The following ZNF713 variants were observed in gnomAD, a reference collection of about 807,000 sequenced individuals.
The protein encoded by ZNF713 is zinc finger protein 713.
ZNF713 carries 21 observed loss-of-function variants against 28.7 expected under a neutral mutation model. That is an observed-to-expected ratio of 0.73 (90% CI 0.52 to 1.05). The LOEUF is 1.05. Ranked by LOEUF, ZNF713 falls within the 50% of genes least tolerant of loss-of-function variation. ZNF713 has a pLI of 0.00. For missense variants in ZNF713, 458 were observed against 532.4 expected, an observed-to-expected ratio of 0.86 and a Z score of 1.37; for synonymous variants, 167 against 178.0, an observed-to-expected ratio of 0.94 and a Z score of 0.49.
chr7:55,923,347 A>G (rs1786030975), intron 5 of ZNF713, 59 bp downstream of exon 5: 1 of 1,553,194 alleles, frequency 6.4e-7, no homozygotes. Flanking sequence ...TTCCTGAACT[A>G]GTAGAAGCCT....
intron 4 of ZNF713, among the ~76,000 whole-genome samples, chr7:55,922,842 G>A (rs1786018172): frequency 6.6e-6 from 1 of 152,130 alleles, no homozygotes; most frequent in African/African-American, 2.4e-5. Context: ...CAATATTATT[G>A]TGGTGTCTGA....
chr7:55,938,839 T>C (rs1786406264), intron 6 of ZNF713, 143 bp from the exon 7 acceptor site: 2 of 806,938 alleles, frequency 2.5e-6, no homozygotes, highest in South Asian at 2.4e-5. Flanking sequence ...CGTGGCCACA[T>C]TGAAAAACTT....
Position 55,917,310 on chromosome 7 carries a change from GA to G in ZNF713, c.87+4594del, listed in dbSNP as rs200319279. 3.0e-4 allele frequency among the ~76,000 whole-genome samples: 45 copies of G among 150,996 alleles called. 2 individuals carry two copies. The highest frequency in any genetic ancestry group is 1.0e-3 in the African/African-American group (42 of 41,248). On this transcript the variant is annotated intron_variant, in intron 4 of 6. Transcript: ENST00000429591. ...GCAAAGTAAAAAGACATGTCAAGTT[GA>G]AAAAAATATTTTGCCACTCGAATTA...
chr7:55,937,221 A>G (rs1584321557), intron 6 of ZNF713, among the ~76,000 whole-genome samples: 1 of 151,886 alleles, frequency 6.6e-6, no homozygotes, highest in Non-Finnish European at 1.5e-5. Context: ...AATCGCTTGA[A>G]CCCACAAGAC....
rs1376240937 is a variant in ZNF713 at position 55,887,758 on chromosome 7, A to G, written c.-583+78A>G. 2 of 710 alleles carry G rather than the reference A, an allele frequency of 2.8e-3. 1 individual carries two copies. Among genetic ancestry groups the G allele is most frequent in the Non-Finnish European group, 5.9e-3 (2 of 340 alleles). 0.0% of individuals were successfully genotyped at this position (710 alleles called of 1,614,324 possible). On this transcript the variant is annotated intron_variant, in intron 1 of 6. Transcript: ENST00000429591. ...GGCGGGGGGCGGAGGCGGGGGGCGG[A>G]GGCGGGGGGCGGAGGCGGGGGGCGG...
At chr7:55,924,388 CCCTT>C (rs1786054287) in intron 6 of ZNF713, 2 of 152,340 alleles carry the variant, frequency 1.3e-5, no homozygotes, top group African/African-American at 4.8e-5. Flanking sequence ...CGATTCTTGT[CCCTT>C]CCAGCCTCTC....
At chr7:55,913,094 G>T (rs952158061) in intron 4 of ZNF713, among the ~76,000 whole-genome samples, 4 of 151,910 alleles carry the variant, frequency 2.6e-5, no homozygotes, top group African/African-American at 9.7e-5. Flanking sequence ...TGGAGCTAAT[G>T]GGATTAATAA....
chr7:55,927,828 C>T (rs949048437), intron 6 of ZNF713, among the ~76,000 whole-genome samples: 2 of 127,440 alleles, frequency 1.6e-5, no homozygotes, highest in South Asian at 2.6e-4. Context: ...ACCCCGGAGA[C>T]GGAGGTTGCA....
intron 6 of ZNF713, among the ~76,000 whole-genome samples, chr7:55,932,267 G>T (rs1050266541): frequency 6.6e-6 from 1 of 151,072 alleles, no homozygotes; most frequent in Non-Finnish European, 1.5e-5. Flanking sequence ...GGTGGCTTAC[G>T]CCTGTAATTC....
At position 55,927,896 on chromosome 7, in the gene ZNF713, CAAAAAAAAA is replaced by C. The variant is rs71533249; in HGVS notation, c.307+4213_307+4221del. On this transcript the variant is annotated intron_variant, in intron 6 of 6. Coordinates refer to ENST00000429591, the MANE Select transcript of ZNF713 (RefSeq NM_182633.3). ...TGGGTGACAGAGCAAGACTCTGTCT[CAAAAAAAAA>C]AAAAAAAAAAAAAAAGCCACAAGAG... Among the ~76,000 whole-genome samples, 171 of 44,942 alleles carry C rather than the reference CAAAAAAAAA, an allele frequency of 3.8e-3. 4 individuals carry two copies. The highest frequency in any genetic ancestry group is 0.015 in the African/African-American group (160 of 10,480). 29.5% of individuals were successfully genotyped at this position (44,942 alleles called of 152,430 possible). A position where few individuals can be genotyped will look rare whatever the true frequency, so the allele number is the denominator to read the frequency against.
In ZNF713 at chr7:55,941,135, CT is replaced by C. The variant is rs1449903969; in HGVS notation, c.*1133del. On this transcript the variant is annotated 3_prime_UTR_variant, in exon 7 of 7. Coordinates refer to ENST00000429591, the MANE Select transcript of ZNF713 (RefSeq NM_182633.3). ...GCACCTGGCAGGTTATGGTATAAAA[CT>C]TTTAAATCAGAAATTTTGATTAATT... The C allele has an allele frequency of 1.4e-5, 2 of 147,260 alleles. No homozygotes were observed. Among genetic ancestry groups the C allele is most frequent in the East Asian group, 4.4e-4 (2 of 4,518 alleles). The allele number at this position is 147,260 out of a possible 1,614,324, so 9.1% of individuals were successfully genotyped here.
Position 55,933,712 on chromosome 7 carries a change from T to C in ZNF713, c.308-5270T>C, listed in dbSNP as rs571426206. Reference sequence around the variant, plus strand: ...TTTTGTTTTGTTTTGTTTTTGTCGTTGTTGTTTGCGAGACAGGGTCTGGCT... The same window carrying C: ...TTTTGTTTTGTTTTGTTTTTGTCGTCGTTGTTTGCGAGACAGGGTCTGGCT... On this transcript the variant is annotated intron_variant, in intron 6 of 6. Transcript: ENST00000429591. Among the ~76,000 whole-genome samples, 327 of 152,282 alleles carry C rather than the reference T, an allele frequency of 2.1e-3. 5 individuals carry two copies. Among genetic ancestry groups the C allele is most frequent in the Non-Finnish European group, 3.2e-3 (219 of 68,026 alleles).
At chr7:55,917,728 T>C (rs1785912212) in intron 4 of ZNF713, among the ~76,000 whole-genome samples, 1 of 151,570 alleles carries the variant, frequency 6.6e-6, no homozygotes, top group South Asian at 2.1e-4. Flanking sequence ...GAAAAAAAAT[T>C]TTAAAGACAG....
chr7:55,904,082 G>GCCAGACTGTATCTTTAAAAAAAAA lies in ZNF713; in HGVS notation c.-582-2171_-582-2170insCCAGACTGTATCTTTAAAAAAAAA. Among the ~76,000 whole-genome samples the GCCAGACTGTATCTTTAAAAAAAAA allele has an allele frequency of 6.7e-4, 85 of 126,652 alleles. 5 individuals are homozygous for GCCAGACTGTATCTTTAAAAAAAAA. Among genetic ancestry groups the GCCAGACTGTATCTTTAAAAAAAAA allele is most frequent in the East Asian group, 1.0e-3 (4 of 3,834 alleles). The allele number at this position is 126,652 out of a possible 152,430, so 83.1% of individuals were successfully genotyped here. A position where few individuals can be genotyped will look rare whatever the true frequency, so the allele number is the denominator to read the frequency against. ...ATAAAAGGCAGGCAAAGGAAAAAGA[G>GCCAGACTGTATCTTTAAAAAAAAA]ACTAGATCACAGCTCCCTGAGAGAG... is the stretch of plus-strand genomic sequence containing the variant. On this transcript the variant is annotated intron_variant, in intron 1 of 6. Coordinates refer to ENST00000429591, the MANE Select transcript of ZNF713 (RefSeq NM_182633.3).
intron 4 of ZNF713, among the ~76,000 whole-genome samples, chr7:55,913,778 T>G (rs1785831172): frequency 6.6e-6 from 1 of 152,160 alleles, no homozygotes; most frequent in Non-Finnish European, 1.5e-5. Flanking sequence ...AACTGTTGCA[T>G]TATAGGTATG....
In ZNF713 at chr7:55,939,978, G is replaced by A. The variant is rs371670199; in HGVS notation, c.1304G>A (p.Arg435His). Reference protein sequence around the residue: ...LCEYKCEQTVRHSPSFSST With the variant: ...LCEYKCEQTVHHSPSFSST ...GAATATAAATGTGAGCAAACTGTTC[G>A]CCACAGTCCTTCATTTAGCAGCACA... is the stretch of plus-strand genomic sequence containing the variant. Residue 435 changes from arginine to histidine, a missense_variant, in exon 7 of 7, where the codon CGC (arginine) becomes CAC (histidine). By Grantham distance (29) the Arg-to-His change is conservative. Transcript: ENST00000429591. 2.6e-5 allele frequency: 41 copies of A among 1,596,878 alleles called. No homozygotes were observed. In the African/African-American group the frequency reaches 2.7e-4, roughly 10 times the overall value.
intron 6 of ZNF713, among the ~76,000 whole-genome samples, chr7:55,935,034 AT>A (rs1786317846): frequency 6.6e-6 from 1 of 151,838 alleles, no homozygotes; most frequent in South Asian, 2.1e-4. Flanking sequence ...GATTACAGAC[AT>A]GCACCACCAC....
intron 1 of ZNF713, among the ~76,000 whole-genome samples, chr7:55,904,100 TGA>T (rs1562738148): frequency 2.1e-5 from 1 of 47,654 alleles, no homozygotes; most frequent in African/African-American, 6.7e-5. Flanking sequence ...CACAGCTCCC[TGA>T]GAGAGACGGT....
In ZNF713 at chr7:55,939,769, CG is replaced by C; in HGVS notation, c.1097del (p.Gly366GlufsTer20). On this transcript the variant is annotated frameshift_variant, in exon 7 of 7. Transcript: ENST00000429591. LOFTEE classifies it high-confidence loss of function. ...SLTEHHRLHT[G>X]EKPYECGFCG... is the part of the protein sequence containing the mutation. Reference sequence around the variant, plus strand: ...TTACTGAACATCATAGACTTCATACCGGAGAGAAACCTTACGAATGTGGTTT... The same window carrying C: ...TTACTGAACATCATAGACTTCATACCGAGAGAAACCTTACGAATGTGGTTT... The C allele has an allele frequency of 1.2e-6, 2 of 1,614,098 alleles. No homozygotes were observed. Among genetic ancestry groups the C allele is most frequent in the Non-Finnish European group, 1.7e-6 (2 of 1,180,032 alleles).
Sources: gnomAD v4.1 joint callset for allele counts (sites outside exome capture counted in the v4.1 genomes callset) on GRCh38, gnomAD v4.1.1 for gene constraint, MANE v1.5 for transcripts, NCBI Gene and HGNC (gene_info 2026-07-23, HGNC 2026-07-21) for gene names.